The following AHI1 variants were observed in gnomAD, a reference collection of about 807,000 sequenced individuals.
AHI1 encodes the protein Abelson helper integration site 1, also known as jouberin.
AHI1 carries 123 observed loss-of-function variants against 149.3 expected under a neutral mutation model. The observed-to-expected ratio is 0.82, with a 90% CI of 0.71 to 0.96. AHI1 has a LOEUF of 0.96. Ranked by LOEUF, AHI1 falls within the 40% of genes least tolerant of loss-of-function variation. The pLI is 0.00. For missense variants in AHI1, 1,439 were observed against 1,422.7 expected, an observed-to-expected ratio of 1.01 and a Z score of -0.18; for synonymous variants, 475 against 459.8, an observed-to-expected ratio of 1.03 and a Z score of -0.42.
intron 5 of AHI1, among the ~76,000 whole-genome samples, chr6:135,472,100 G>A (rs982718408): frequency 7.5e-6 from 1 of 133,870 alleles, no homozygotes; most frequent in Non-Finnish European, 1.6e-5. Context: ...ATAATTAAAT[G>A]AATTTTGGCA....
chr6:135,357,144 G>A (rs540640185), intron 24 of AHI1, among the ~76,000 whole-genome samples: 61 of 152,250 alleles, frequency 4.0e-4, no homozygotes, highest in South Asian at 1.2e-3. Flanking sequence ...TCACCATGTT[G>A]GCCAGGATGG....
At chr6:135,288,855 C>T (rs1043490190) in intron 28 of AHI1, among the ~76,000 whole-genome samples, 13 of 151,514 alleles carry the variant, frequency 8.6e-5, no homozygotes, top group African/African-American at 3.2e-4. Context: ...AAAAAAAAAA[C>T]CCTAACATAT....
chr6:135,332,887 A>G (rs1788811525), intron 24 of AHI1, among the ~76,000 whole-genome samples: 1 of 152,230 alleles, frequency 6.6e-6, no homozygotes, highest in African/African-American at 2.4e-5. Context: ...TCACTGGAAC[A>G]TATATTCTAT....
chr6:135,479,832 A>T (rs976232105), intron 5 of AHI1, among the ~76,000 whole-genome samples: 3 of 152,224 alleles, frequency 2.0e-5, no homozygotes, highest in Non-Finnish European at 1.5e-5. Context: ...AAGAGGCACC[A>T]GGTGGGAGGT....
intron 13 of AHI1, among the ~76,000 whole-genome samples, chr6:135,444,999 T>C (rs928403929): frequency 6.6e-6 from 1 of 152,214 alleles, no homozygotes; most frequent in African/African-American, 2.4e-5. Flanking sequence ...CATCAAGACT[T>C]CTCTGAAGCA....
At chr6:135,294,170 C>T (rs138386998) in intron 27 of AHI1, among the ~76,000 whole-genome samples, 7,437 of 151,930 alleles carry the variant, frequency 0.049, 232 homozygotes, top group South Asian at 0.094. Flanking sequence ...ACTAAAAATA[C>T]AATAAATTAG....
Position 135,490,879 on chromosome 6 carries a change from CTA to C in AHI1, c.11-134_11-133del, listed in dbSNP as rs1016055318. On this transcript the variant is annotated intron_variant, in intron 4 of 28. Coordinates refer to ENST00000265602, the MANE Select transcript of AHI1 (RefSeq NM_001134831.2). ...CTCTAGCTACATTAGAAAAACTCAC[CTA>C]TCTTTCCTTCTTAAAATATTTTTTA... 471 of 1,086,358 alleles carry C rather than the reference CTA, an allele frequency of 4.3e-4. 2 individuals carry two copies. The African/African-American group carries it at 6.8e-3, about 16-fold the overall frequency. 67.3% of individuals were successfully genotyped at this position (1,086,358 alleles called of 1,614,324 possible). A position where few individuals can be genotyped will look rare whatever the true frequency, so the allele number is the denominator to read the frequency against.
chr6:135,491,492 C>T (rs749404322), intron 4 of AHI1, among the ~76,000 whole-genome samples: 5 of 152,132 alleles, frequency 3.3e-5, no homozygotes, highest in African/African-American at 9.7e-5. Context: ...AATAAAACAC[C>T]TCCTGACAAA....
intron 20 of AHI1, among the ~76,000 whole-genome samples, chr6:135,422,160 A>T (rs1217619397): frequency 6.6e-6 from 1 of 152,222 alleles, no homozygotes; most frequent in Non-Finnish European, 1.5e-5. Flanking sequence ...AAAACTGTGG[A>T]TATTAAATTT....
intron 23 of AHI1, among the ~76,000 whole-genome samples, chr6:135,373,796 T>G (rs1004875433): frequency 3.9e-5 from 6 of 152,140 alleles, no homozygotes; most frequent in African/African-American, 1.4e-4. Context: ...CAATCTTATG[T>G]ATCATTACCA....
rs936289443 is a variant in AHI1 at position 135,477,956 on chromosome 6, C to A, written c.136-10322G>T. On this transcript the variant is annotated intron_variant, in intron 5 of 28. Transcript: ENST00000265602. ...GGGACTACAGGCATTTGCCACCACA[C>A]CCGGCTAATTTTTTTTTTATTTTTA... Among the ~76,000 whole-genome samples, 9 of 151,388 alleles carry A rather than the reference C, an allele frequency of 5.9e-5. No homozygotes were observed. The East Asian group carries it at 1.5e-3, about 26-fold the overall frequency.
intron 24 of AHI1, among the ~76,000 whole-genome samples, chr6:135,324,810 A>G (rs1400292831): frequency 6.6e-6 from 1 of 151,594 alleles, no homozygotes; most frequent in Non-Finnish European, 1.5e-5. Flanking sequence ...TACAGTTCAC[A>G]TAACTGTTTC....
chr6:135,433,775 A>G (rs1436570338), intron 15 of AHI1, among the ~76,000 whole-genome samples: 1 of 152,004 alleles, frequency 6.6e-6, no homozygotes, highest in Non-Finnish European at 1.5e-5. Context: ...AGAGATACTA[A>G]AATTATTATA....
At chr6:135,395,686 ACAAAT>A (rs1486597287) in intron 22 of AHI1, among the ~76,000 whole-genome samples, 1 of 151,918 alleles carries the variant, frequency 6.6e-6, no homozygotes, top group Non-Finnish European at 1.5e-5. Flanking sequence ...TTCATTATTA[ACAAAT>A]CAATCATTTA....
chr6:135,392,836 T>C (rs1404211349), intron 23 of AHI1, among the ~76,000 whole-genome samples: 1 of 152,114 alleles, frequency 6.6e-6, no homozygotes, highest in African/African-American at 2.4e-5. Context: ...AGAAATAGAG[T>C]TAGGTCTGAA....
At chr6:135,361,666 C>T (rs1164877090) in intron 23 of AHI1, among the ~76,000 whole-genome samples, 36 of 150,694 alleles carry the variant, frequency 2.4e-4, no homozygotes, top group African/African-American at 8.8e-4. Flanking sequence ...CACACACACA[C>T]ACACACACAC....
intron 3 of AHI1, among the ~76,000 whole-genome samples, chr6:135,493,768 C>T (rs188680219): frequency 7.2e-5 from 11 of 152,132 alleles, no homozygotes; most frequent in East Asian, 1.9e-4. Flanking sequence ...GCCTGCTGGG[C>T]GCCGTGGCTC....
intron 11 of AHI1, among the ~76,000 whole-genome samples, chr6:135,452,712 C>T (rs916865636): frequency 1.3e-5 from 2 of 152,046 alleles, no homozygotes; most frequent in African/African-American, 4.8e-5. Flanking sequence ...CTTCATGCAC[C>T]ATTCTTCTCC....
chr6:135,475,639 G>A lies in AHI1; in HGVS notation c.136-8005C>T, dbSNP rs370333654. Among the ~76,000 whole-genome samples, 260 of 152,304 alleles carry A rather than the reference G, an allele frequency of 1.7e-3. 2 individuals are homozygous for A. Among genetic ancestry groups the A allele is most frequent in the African/African-American group, 5.8e-3 (242 of 41,560 alleles). ...CCATGAACATCAAGGCTTGGGTTGA[G>A]CTTCCCTGGGTGGCAACACTTTGCA... On this transcript the variant is annotated intron_variant, in intron 5 of 28. Coordinates refer to ENST00000265602, the MANE Select transcript of AHI1 (RefSeq NM_001134831.2).
Sources: allele counts gnomAD v4.1 joint callset (sites outside exome capture counted in the v4.1 genomes callset), GRCh38; gene constraint gnomAD v4.1.1; transcripts MANE v1.5; gene names NCBI Gene and HGNC (gene_info 2026-07-23, HGNC 2026-07-21).